Variants in ACSS1 observed in about 807,000 individuals in gnomAD.
ACSS1 encodes the protein acyl-CoA synthetase short chain family member 1, also known as acetyl-coenzyme A synthetase 2-like, mitochondrial.
In ACSS1, 42 loss-of-function variants were observed where a neutral mutation model predicts 75.3. That is an observed-to-expected ratio of 0.56 (90% CI 0.44 to 0.72). ACSS1 has a LOEUF of 0.72. ACSS1 is among the 30% of genes least tolerant of loss of function. ACSS1 has a pLI of 0.00. For synonymous variants in ACSS1, 380 were observed against 376.8 expected (o/e 1.01, Z -0.10); for missense variants, 782 against 935.7 (o/e 0.84, Z 2.14).
intron 2 of ACSS1, chr20:25,046,232 C>G (rs900489707): frequency 1.3e-5 from 2 of 152,672 alleles, no homozygotes; most frequent in Non-Finnish European, 2.9e-5. Context: ...TGAGCCACTG[C>G]GACCGGCCCC....
Position 25,013,972 on chromosome 20 carries a change from T to G in ACSS1, c.1441A>C (p.Met481Leu). Residue 481 changes from methionine (M) to leucine (L), a missense_variant, in exon 9 of 14, where the codon ATG becomes CTG. Met to Leu is a conservative substitution (Grantham distance 15, BLOSUM62 2). Transcript: ENST00000323482. ...AGGCCCATACACACCTTCTCATCCA[T>G]GAGGACGGGGACGATGCCAAAGAAG... ...RPFFGIVPVLMDEKGSVVEGS... is the reference protein window; with the variant it reads ...RPFFGIVPVLLDEKGSVVEGS... 6.2e-7 allele frequency: 1 copy of G among 1,613,630 alleles called. No homozygotes were observed. Among genetic ancestry groups the G allele is most frequent in the Non-Finnish European group, 8.5e-7 (1 of 1,179,826 alleles).
chr20:25,055,827 C>A (rs889788034), intron 1 of ACSS1, among the ~76,000 whole-genome samples: 6 of 152,192 alleles, frequency 3.9e-5, no homozygotes, highest in African/African-American at 1.4e-4. Flanking sequence ...AAAGTGTTCT[C>A]ATCCATCCCA....
At chr20:25,016,178 G>A (rs1177707499) in intron 7 of ACSS1, among the ~76,000 whole-genome samples, 4 of 152,128 alleles carry the variant, frequency 2.6e-5, no homozygotes, top group African/African-American at 7.2e-5. Flanking sequence ...AGGGAGGGGT[G>A]TGCTGTGTGA....
At chr20:25,014,511 C>A (rs996192895) in intron 8 of ACSS1, among the ~76,000 whole-genome samples, 10 of 152,230 alleles carry the variant, frequency 6.6e-5, no homozygotes, top group African/African-American at 2.4e-4. Flanking sequence ...GCTAGAGAAT[C>A]TCTGTCCCAG....
At chr20:25,019,529 A>G (rs1046337264) in intron 7 of ACSS1, among the ~76,000 whole-genome samples, 19 of 152,174 alleles carry the variant, frequency 1.2e-4, no homozygotes, top group African/African-American at 4.3e-4. Flanking sequence ...TATTATTACT[A>G]TTATTTAGAC....
chr20:25,013,782 G>T, intron 9 of ACSS1, 120 bp from the exon 10 acceptor site: 1 of 1,423,070 alleles, frequency 7.0e-7, no homozygotes, highest in Non-Finnish European at 9.4e-7. Flanking sequence ...CCCTGAGGAG[G>T]GCCCCAAGCC....
At position 25,047,020 on chromosome 20, in the gene ACSS1, C is replaced by T. The variant is rs572693674; in HGVS notation, c.431+1065G>A. 3 of 707,862 alleles carry T rather than the reference C, an allele frequency of 4.2e-6. No homozygotes were observed. In the East Asian group the frequency reaches 7.7e-5, roughly 18 times the overall value. 43.8% of individuals were successfully genotyped at this position (707,862 alleles called of 1,614,324 possible). Reference sequence around the variant, plus strand: ...AGGGGAGGAACGAGCAGGACAGGGCCCACTGGGAGCCGCAGCAGATCCACT... The same window carrying T: ...AGGGGAGGAACGAGCAGGACAGGGCTCACTGGGAGCCGCAGCAGATCCACT... On this transcript the variant is annotated intron_variant, in intron 2 of 13. Transcript: ENST00000323482.
At chr20:25,028,301 C>T (rs1210846928) in intron 3 of ACSS1, among the ~76,000 whole-genome samples, 1 of 152,106 alleles carries the variant, frequency 6.6e-6, no homozygotes, top group African/African-American at 2.4e-5. Flanking sequence ...AGAGCCAAAA[C>T]AATCTTGAAA....
chr20:25,025,687 C>G (rs953747803), intron 3 of ACSS1, among the ~76,000 whole-genome samples: 1 of 152,152 alleles, frequency 6.6e-6, no homozygotes, highest in Non-Finnish European at 1.5e-5. Flanking sequence ...ATTAAGGTCG[C>G]CTTTTCCTTG....
chr20:25,043,253 A>G (rs1011045747), intron 2 of ACSS1, among the ~76,000 whole-genome samples: 1 of 152,152 alleles, frequency 6.6e-6, no homozygotes, highest in Admixed American at 6.5e-5. Context: ...CTGTGACAGG[A>G]CTTCCTGCTT....
chr20:25,028,970 T>A (rs73095987), intron 3 of ACSS1, among the ~76,000 whole-genome samples: 5,737 of 152,124 alleles, frequency 0.038, 154 homozygotes, highest in Non-Finnish European at 0.06. Flanking sequence ...GCATTAGATT[T>A]GGCAATGTTT....
chr20:25,021,462 G>T lies in ACSS1; in HGVS notation c.1035C>A (p.Tyr345Ter). 1.2e-6 allele frequency: 2 copies of T among 1,614,190 alleles called. No individual in the cohort carries two copies. The highest frequency in any genetic ancestry group is 1.7e-6 in the Non-Finnish European group (2 of 1,180,022). The change falls in exon 6 of 14, where the codon TAC becomes TAA. Residue 345 changes from tyrosine to a stop codon, truncating the protein, a stop_gained. Coordinates refer to ENST00000323482, the MANE Select transcript of ACSS1 (RefSeq NM_032501.4). LOFTEE classifies it high-confidence loss of function. ...ADIGWITGHS[Y>*]VVYGPLCNGA... is the part of the protein sequence containing the mutation. Reference sequence around the variant, plus strand: ...CATTGCAGAGAGGCCCATACACCACGTAGCTGTGTCCTGTAATCCAACCGA... The same window carrying T: ...CATTGCAGAGAGGCCCATACACCACTTAGCTGTGTCCTGTAATCCAACCGA...
rs1166747753 is a variant in ACSS1 at position 25,046,931 on chromosome 20, T to A, written c.431+1154A>T. 5 of 779,142 alleles carry A rather than the reference T, an allele frequency of 6.4e-6. No individual in the cohort carries two copies. The Admixed American group carries it at 8.5e-5, about 13-fold the overall frequency. 48.3% of individuals were successfully genotyped at this position (779,142 alleles called of 1,614,324 possible). On this transcript the variant is annotated intron_variant, in intron 2 of 13. Transcript: ENST00000323482. The stretch of plus-strand genomic sequence containing the variant: ...GAGTCTGGCTGGTGGGGGAGACGGG[T>A]CAGCAAAGGAGCCCTGGCCGAGGCT...
At chr20:25,009,643 C>T in intron 12 of ACSS1, 1 of 487,270 alleles carries the variant, frequency 2.1e-6, no homozygotes, top group Non-Finnish European at 3.7e-6. Context: ...GGCATCTCAG[C>T]TCTAATGCTG....
chr20:25,045,501 C>A lies in ACSS1; in HGVS notation c.431+2584G>T, dbSNP rs560568363. ...TTGTAACACACAGACTTCCTCACAC[C>A]CTGCAAGCTTCCTGCATCGGCACCA... On this transcript the variant is annotated intron_variant, in intron 2 of 13. Transcript: ENST00000323482. Among the ~76,000 whole-genome samples the A allele has an allele frequency of 2.6e-5, 4 of 152,338 alleles. No homozygotes were observed. In the South Asian group the frequency reaches 8.3e-4, roughly 32 times the overall value.
At chr20:25,032,594 G>C (rs567260314) in intron 2 of ACSS1, 4 of 1,240,492 alleles carry the variant, frequency 3.2e-6, no homozygotes, top group African/African-American at 1.5e-5. Context: ...ACCAGCCCGC[G>C]ACCCCTGCCC....
chr20:25,009,437 C>T, intron 12 of ACSS1, 49 bp from the exon 13 acceptor site: 1 of 1,489,936 alleles, frequency 6.7e-7, no homozygotes, highest in Non-Finnish European at 9.4e-7. Context: ...AGACAAGGAG[C>T]CAACTCCCGA....
In ACSS1 at chr20:25,023,688, T is replaced by C. The variant is rs776640782; in HGVS notation, c.632-47A>G. On this transcript the variant is annotated intron_variant, in intron 3 of 13. Transcript: ENST00000323482. ...TTTCTGATCAGTCTCCTCCCGACTT[T>C]AACCCTCATAGCTCTGACTCACATA... The C allele has an allele frequency of 2.0e-5, 31 of 1,521,244 alleles. No individual in the cohort carries two copies. In the South Asian group the frequency reaches 3.5e-4, roughly 17 times the overall value. 94.2% of individuals were successfully genotyped at this position (1,521,244 alleles called of 1,614,324 possible). A position where few individuals can be genotyped will look rare whatever the true frequency, so the allele number is the denominator to read the frequency against.
chr20:25,034,642 C>G (rs2088879428), intron 2 of ACSS1, among the ~76,000 whole-genome samples: 1 of 151,964 alleles, frequency 6.6e-6, no homozygotes, highest in African/African-American at 2.4e-5. Context: ...GATCTCAGCT[C>G]ACTGCAACCT....
Sources: gnomAD v4.1 joint callset for allele counts (sites outside exome capture counted in the v4.1 genomes callset) on GRCh38, gnomAD v4.1.1 for gene constraint, MANE v1.5 for transcripts, NCBI Gene and HGNC (gene_info 2026-07-23, HGNC 2026-07-21) for gene names.